The following ADAMTS18 variants were observed in gnomAD, a reference collection of about 807,000 sequenced individuals.
ADAMTS18 encodes ADAM metallopeptidase with thrombospondin type 1 motif 18, also known as A disintegrin and metalloproteinase with thrombospondin motifs 18.
Under a neutral mutation model 165.9 loss-of-function variants are expected in ADAMTS18, and 157 were observed. The observed-to-expected ratio is 0.95, with a 90% CI of 0.83 to 1.08. The LOEUF is 1.08. Ranked by LOEUF, ADAMTS18 falls within the 50% of genes least tolerant of loss-of-function variation. The pLI, the probability that ADAMTS18 is intolerant of heterozygous loss-of-function variation, is 0.00. For synonymous variants in ADAMTS18, 782 were observed against 578.2 expected (o/e 1.35, Z -5.06); for missense variants, 2,040 against 1,534.0 (o/e 1.33, Z -5.51).
chr16:77,362,498 A>G (rs1468122101), intron 6 of ADAMTS18, among the ~76,000 whole-genome samples: 1 of 152,248 alleles, frequency 6.6e-6, no homozygotes, highest in South Asian at 2.1e-4. Flanking sequence ...TCTACAAAAA[A>G]TAACCTAGCA....
chr16:77,318,122 A>G (rs2053211690), intron 16 of ADAMTS18, among the ~76,000 whole-genome samples: 1 of 152,208 alleles, frequency 6.6e-6, no homozygotes, highest in African/African-American at 2.4e-5. Context: ...TATGAACACA[A>G]TCTTCCTAAT....
chr16:77,340,087 C>T (rs1161671745), intron 11 of ADAMTS18, among the ~76,000 whole-genome samples: 2 of 152,176 alleles, frequency 1.3e-5, no homozygotes, highest in Non-Finnish European at 2.9e-5. Flanking sequence ...TGGGCCCCGA[C>T]AGCAACTACT....
At chr16:77,302,613 A>G (rs922337454) in intron 16 of ADAMTS18, among the ~76,000 whole-genome samples, 4 of 152,200 alleles carry the variant, frequency 2.6e-5, no homozygotes, top group Admixed American at 2.0e-4. Flanking sequence ...CATTCAAACT[A>G]GATCCTAATA....
At chr16:77,295,400 C>T (rs1024561985) in intron 18 of ADAMTS18, among the ~76,000 whole-genome samples, 5 of 152,050 alleles carry the variant, frequency 3.3e-5, no homozygotes, top group African/African-American at 1.2e-4. Flanking sequence ...CTGCACAATT[C>T]ATTGAGCCAA....
chr16:77,285,696 G>GTTGT (rs1410283552), intron 22 of ADAMTS18, among the ~76,000 whole-genome samples: 2 of 152,060 alleles, frequency 1.3e-5, no homozygotes, highest in African/African-American at 4.8e-5. Context: ...CTAACAGCTG[G>GTTGT]TTGTTTGAGC....
At position 77,428,861 on chromosome 16, in the gene ADAMTS18, T is replaced by A. The variant is rs75713387; in HGVS notation, c.495+2434A>T. ...GGTCCCAAACATTTCAGATAAGGAA[T>A]AACTCAATTTATACATACTCTGTGA... On this transcript the variant is annotated intron_variant, in intron 3 of 22. Coordinates refer to ENST00000282849, the MANE Select transcript of ADAMTS18 (RefSeq NM_199355.4). Among the ~76,000 whole-genome samples the A allele has an allele frequency of 3.5e-3, 534 of 152,312 alleles. 4 individuals are homozygous for A. Among genetic ancestry groups the A allele is most frequent in the African/African-American group, 0.012 (518 of 41,572 alleles).
intron 10 of ADAMTS18, among the ~76,000 whole-genome samples, chr16:77,350,679 C>G (rs1419244812): frequency 6.6e-6 from 1 of 152,240 alleles, no homozygotes; most frequent in East Asian, 1.9e-4. Flanking sequence ...CTGTCTAACT[C>G]AGCGACCCTC....
At chr16:77,409,594 G>A (rs147317719) in intron 3 of ADAMTS18, among the ~76,000 whole-genome samples, 184 of 152,166 alleles carry the variant, frequency 1.2e-3, no homozygotes, top group African/African-American at 4.1e-3. Flanking sequence ...TGCTCTGTTC[G>A]GGGCTTGATG....
chr16:77,413,280 T>A (rs953027433), intron 3 of ADAMTS18, among the ~76,000 whole-genome samples: 1 of 152,088 alleles, frequency 6.6e-6, no homozygotes, highest in Admixed American at 6.6e-5. Context: ...AAACCAGGAC[T>A]CAGCAAGGGA....
intron 3 of ADAMTS18, among the ~76,000 whole-genome samples, chr16:77,428,074 A>G (rs922735687): frequency 2.6e-5 from 4 of 152,236 alleles, no homozygotes; most frequent in African/African-American, 7.2e-5. Flanking sequence ...CTGCATGCAC[A>G]CTAGAAAATT....
At chr16:77,387,298 T>G (rs1046434664) in intron 3 of ADAMTS18, among the ~76,000 whole-genome samples, 17 of 152,188 alleles carry the variant, frequency 1.1e-4, no homozygotes, top group African/African-American at 3.9e-4. Flanking sequence ...CTCATTTCCA[T>G]CTCATGTCGG....
intron 3 of ADAMTS18, among the ~76,000 whole-genome samples, chr16:77,376,371 T>G (rs1205007509): frequency 6.6e-6 from 1 of 152,174 alleles, no homozygotes; most frequent in African/African-American, 2.4e-5. Context: ...ACACTGGGAA[T>G]TACAAATCCA....
At chr16:77,385,227 A>G (rs1440888484) in intron 3 of ADAMTS18, among the ~76,000 whole-genome samples, 3 of 152,178 alleles carry the variant, frequency 2.0e-5, no homozygotes, top group East Asian at 1.9e-4. Context: ...ATATTTTGAT[A>G]TAAGATTAGT....
chr16:77,419,154 G>GA (rs72526079), intron 3 of ADAMTS18, among the ~76,000 whole-genome samples: 70,249 of 151,522 alleles, frequency 0.46, 17,124 homozygotes, highest in Non-Finnish European at 0.55. Flanking sequence ...ATCTCAGGGG[G>GA]AAAAAAAATC....
chr16:77,340,537 C>A (rs1264794863), intron 11 of ADAMTS18, among the ~76,000 whole-genome samples: 7 of 152,058 alleles, frequency 4.6e-5, no homozygotes, highest in African/African-American at 1.7e-4. Context: ...CCCAGAGTCT[C>A]CTGTTCCCCA....
In ADAMTS18 at chr16:77,434,772, C is replaced by G; in HGVS notation, c.-77G>C. The stretch of plus-strand genomic sequence containing the variant: ...GCACGGGCGGCGCGCATTCTTTCCG[C>G]GGCCCCGGAGCTCGGCGCCCCAGGT... On this transcript the variant is annotated 5_prime_UTR_variant, in exon 1 of 23. Transcript: ENST00000282849. The G allele has an allele frequency of 1.6e-6, 2 of 1,243,398 alleles. No individual in the cohort carries two copies. Among genetic ancestry groups the G allele is most frequent in the Non-Finnish European group, 2.1e-6 (2 of 968,324 alleles). 77.0% of individuals were successfully genotyped at this position (1,243,398 alleles called of 1,614,324 possible).
chr16:77,372,919 C>G (rs898080224), intron 3 of ADAMTS18, among the ~76,000 whole-genome samples: 1 of 152,212 alleles, frequency 6.6e-6, no homozygotes, highest in Non-Finnish European at 1.5e-5. Flanking sequence ...GTATTAATCA[C>G]AAATTCCTGA....
At chr16:77,413,324 C>G (rs2057489407) in intron 3 of ADAMTS18, among the ~76,000 whole-genome samples, 1 of 152,186 alleles carries the variant, frequency 6.6e-6, no homozygotes. Flanking sequence ...GGCTCTAACT[C>G]TCCAGCTATG....
At chr16:77,330,214 C>T (rs547062254) in intron 12 of ADAMTS18, among the ~76,000 whole-genome samples, 3 of 152,288 alleles carry the variant, frequency 2.0e-5, no homozygotes, top group African/African-American at 7.2e-5. Flanking sequence ...ACTCCATGAG[C>T]TAAGTTGTGT....
Sources: gnomAD v4.1 joint callset for allele counts (sites outside exome capture counted in the v4.1 genomes callset) on GRCh38, gnomAD v4.1.1 for gene constraint, MANE v1.5 for transcripts, NCBI Gene and HGNC (gene_info 2026-07-23, HGNC 2026-07-21) for gene names.